The following ATF6 variants were observed in gnomAD, a reference collection of about 807,000 sequenced individuals.
ATF6 encodes activating transcription factor 6.
In ATF6, 53 loss-of-function variants were observed where a neutral mutation model predicts 83.6. The ratio of observed to expected loss-of-function variants is 0.63; its 90% CI spans 0.51 to 0.80. The LOEUF is 0.80. ATF6 is among the 30% of genes least tolerant of loss of function. ATF6 has a pLI of 0.00. For synonymous variants in ATF6, 288 were observed against 285.8 expected (o/e 1.01, Z -0.08); for missense variants, 744 against 797.9 (o/e 0.93, Z 0.81).
intron 15 of ATF6, among the ~76,000 whole-genome samples, chr1:161,940,033 TC>T (rs1174803564): frequency 2.0e-5 from 3 of 152,158 alleles, no homozygotes; most frequent in African/African-American, 7.2e-5. Flanking sequence ...CTCAGCTGCC[TC>T]CCTAACATTC....
intron 15 of ATF6, among the ~76,000 whole-genome samples, chr1:161,917,848 AGCAATTTGGATTTCAGAT>A (rs1688131746): frequency 6.6e-6 from 1 of 152,246 alleles, no homozygotes; most frequent in East Asian, 1.9e-4. Flanking sequence ...TAGATTTTGG[AGCAATTTGGATTTCAGAT>A]TTTTGGATTA....
In ATF6 at chr1:161,958,622, G is replaced by A. The variant is rs566071406; in HGVS notation, c.1981G>A (p.Val661Ile). 8.1e-6 allele frequency: 13 copies of A among 1,613,564 alleles called. No homozygotes were observed. Among genetic ancestry groups the A allele is most frequent in the African/African-American group, 2.7e-5 (2 of 74,918 alleles). The change falls in exon 16 of 16, where the codon GTT becomes ATT. Residue 661 changes from valine (V) to isoleucine (I), a missense_variant. Physicochemically the swap from Val to Ile is conservative, Grantham distance 29 (BLOSUM62 3). Coordinates refer to ENST00000367942, the MANE Select transcript of ATF6 (RefSeq NM_007348.4). ...TCCCGCAGCCACAGAGGCAACCCAC[G>A]TTGTCAGCACCATCCCTGAGTCATT... ...SPPAATEATHVVSTIPESLQ is the reference protein window; with the variant it reads ...SPPAATEATHIVSTIPESLQ
At chr1:161,912,822 G>T (rs1571232437) in intron 15 of ATF6, among the ~76,000 whole-genome samples, 1 of 152,054 alleles carries the variant, frequency 6.6e-6, no homozygotes, top group African/African-American at 2.4e-5. Flanking sequence ...TGATGAGTTT[G>T]ACACTGATAG....
At chr1:161,820,832 C>T (rs1032644885) in intron 8 of ATF6, among the ~76,000 whole-genome samples, 29 of 151,964 alleles carry the variant, frequency 1.9e-4, no homozygotes, top group Middle Eastern at 3.4e-3. Context: ...GTGTTTTTTT[C>T]TCTTCTGCTT....
intron 15 of ATF6, among the ~76,000 whole-genome samples, chr1:161,928,430 A>G (rs1688363464): frequency 6.6e-6 from 1 of 152,194 alleles, no homozygotes; most frequent in Non-Finnish European, 1.5e-5. Flanking sequence ...TAAACCAGAA[A>G]GGCTTTTTTT....
At chr1:161,943,242 C>T (rs1467478927) in intron 15 of ATF6, among the ~76,000 whole-genome samples, 1 of 152,088 alleles carries the variant, frequency 6.6e-6, no homozygotes. Flanking sequence ...TTCCCCCATG[C>T]GGTTCTCATG....
At chr1:161,957,441 G>T (rs562219371) in intron 15 of ATF6, among the ~76,000 whole-genome samples, 3 of 152,182 alleles carry the variant, frequency 2.0e-5, no homozygotes, top group African/African-American at 7.2e-5. Context: ...TGCTGTGATT[G>T]TTCAGTTGGG....
chr1:161,836,547 A>G (rs2101807224), intron 9 of ATF6, among the ~76,000 whole-genome samples: 1 of 152,338 alleles, frequency 6.6e-6, no homozygotes, highest in East Asian at 1.9e-4. Flanking sequence ...CTTTCCTCAA[A>G]TAGTCTTAAC....
chr1:161,813,959 A>G (rs1466602504), intron 7 of ATF6, among the ~76,000 whole-genome samples: 2 of 149,428 alleles, frequency 1.3e-5, no homozygotes, highest in Non-Finnish European at 3.0e-5. Flanking sequence ...ATCTCGGCTC[A>G]CCACAACCTC....
chr1:161,860,209 T>G lies in ATF6; in HGVS notation c.1536T>G (p.Gly512=), dbSNP rs775278839. 26 of 1,581,574 alleles carry G rather than the reference T, an allele frequency of 1.6e-5. No homozygotes were observed. The Admixed American group carries it at 4.5e-4, about 27-fold the overall frequency. Reference sequence around the variant, plus strand: ...TTTTTTTTTTTTTAATATTCCAGGGTGCTCTGGAACAGGGCTCAAATTCTC... The same window carrying G: ...TTTTTTTTTTTTTAATATTCCAGGGGGCTCTGGAACAGGGCTCAAATTCTC... The part of the protein sequence containing the change: ...NNQQKTRILQ[G]ALEQGSNSQL... Residue 512 remains glycine (G), a splice_region_variant and synonymous_variant, in exon 13 of 16, where the codon GGT becomes GGG. Coordinates refer to ENST00000367942, the MANE Select transcript of ATF6 (RefSeq NM_007348.4).
intron 14 of ATF6, among the ~76,000 whole-genome samples, chr1:161,876,452 A>G (rs2101853278): frequency 6.6e-6 from 1 of 152,128 alleles, no homozygotes; most frequent in African/African-American, 2.4e-5. Context: ...CATTATATTA[A>G]TAACTTACAA....
intron 8 of ATF6, 39 bp downstream of exon 8, chr1:161,819,857 A>C: frequency 6.6e-7 from 1 of 1,519,374 alleles, no homozygotes; most frequent in Non-Finnish European, 8.9e-7. Flanking sequence ...GATGGGCTAA[A>C]GTATCCTCTG....
At chr1:161,767,943 C>T (rs4657099) in intron 1 of ATF6, among the ~76,000 whole-genome samples, 14,388 of 152,220 alleles carry the variant, frequency 0.095, 1,245 homozygotes, top group East Asian at 0.31. Context: ...GCAACCTCCG[C>T]CACTCGGGTT....
At chr1:161,774,006 A>G (rs1684458444) in intron 1 of ATF6, among the ~76,000 whole-genome samples, 2 of 152,196 alleles carry the variant, frequency 1.3e-5, no homozygotes, top group African/African-American at 4.8e-5. Context: ...TTATATCTTA[A>G]TATTACCCAC....
intron 7 of ATF6, among the ~76,000 whole-genome samples, chr1:161,806,387 T>C (rs930687150): frequency 1.3e-5 from 2 of 152,234 alleles, no homozygotes; most frequent in African/African-American, 4.8e-5. Flanking sequence ...TTTAAGGTTA[T>C]AGGAATTACA....
chr1:161,778,310 A>T lies in ATF6; in HGVS notation c.149A>T (p.Asn50Ile). Residue 50 changes from asparagine to isoleucine, a missense_variant, in exon 2 of 16, where the codon AAT becomes ATT. Transcript: ENST00000367942. ...DTDELQLEAANETYENNFDNL... is the reference protein window; with the variant it reads ...DTDELQLEAAIETYENNFDNL... ...GATGAGCTGCAATTGGAAGCAGCAA[A>T]TGAGACGTATGTAAGTATTTACTAA... 17 of 1,612,884 alleles carry T rather than the reference A, an allele frequency of 1.1e-5. No individual in the cohort carries two copies. The highest frequency in any genetic ancestry group is 1.4e-5 in the Non-Finnish European group (16 of 1,179,002).
At chr1:161,791,102 GTC>G (rs71581435) in intron 4 of ATF6, among the ~76,000 whole-genome samples, 7 of 107,884 alleles carry the variant, frequency 6.5e-5, no homozygotes, top group East Asian at 7.4e-4. Context: ...GTGTGTGTGT[GTC>G]TCTGTGTGTG....
rs2101782966 is a variant in ATF6, at chr1:161,819,636, G to A, written c.913G>A (p.Ala305Thr). 2 of 1,571,160 alleles carry A rather than the reference G, an allele frequency of 1.3e-6. No homozygotes were observed. The highest frequency in any genetic ancestry group is 1.9e-5 in the Admixed American group (1 of 51,388). ...GATTCATTATAACTTTTTCTAGATT[G>A]CTGTGCTAAGGAGACAGCAACGTAT... is the stretch of plus-strand genomic sequence containing the variant. ...STMRNVGSDIAVLRRQQRMIK... is the reference protein window; with the variant it reads ...STMRNVGSDITVLRRQQRMIK... The change falls in exon 8 of 16, where the codon GCT becomes ACT. Residue 305 changes from alanine to threonine, a missense_variant. By Grantham distance (58) the Ala-to-Thr change is moderately conservative. Coordinates refer to ENST00000367942, the MANE Select transcript of ATF6 (RefSeq NM_007348.4).
intron 7 of ATF6, among the ~76,000 whole-genome samples, chr1:161,803,241 TG>T (rs1297767918): frequency 6.6e-6 from 1 of 152,214 alleles, no homozygotes; most frequent in Admixed American, 6.5e-5. Context: ...ATTATAAAAT[TG>T]CTCCACAGTT....
Sources: gnomAD v4.1 joint callset for allele counts (sites outside exome capture counted in the v4.1 genomes callset) on GRCh38, gnomAD v4.1.1 for gene constraint, MANE v1.5 for transcripts, NCBI Gene and HGNC (gene_info 2026-07-23, HGNC 2026-07-21) for gene names.